Variants in DGKH observed in about 807,000 individuals in gnomAD.
DGKH encodes diacylglycerol kinase eta, also known as DAG kinase eta.
A neutral mutation model predicts 159.3 loss-of-function variants in DGKH; 90 were observed. The observed-to-expected ratio is 0.57, with a 90% CI of 0.48 to 0.67. The LOEUF (loss-of-function observed/expected upper bound fraction) is 0.67, where lower values mean the gene tolerates loss of function less well. DGKH is among the 30% of genes least tolerant of loss of function. The pLI, the probability that DGKH is intolerant of heterozygous loss-of-function variation, is 0.00. For missense variants in DGKH, 1,181 were observed against 1,506.1 expected, an observed-to-expected ratio of 0.78 and a Z score of 3.57; for synonymous variants, 536 against 553.8, an observed-to-expected ratio of 0.97 and a Z score of 0.45.
intron 18 of DGKH, 152 bp from the exon 19 acceptor site, chr13:42,199,414 A>G (rs1957293358): frequency 4.0e-6 from 2 of 499,938 alleles, no homozygotes; most frequent in Non-Finnish European, 7.1e-6. Context: ...GGTTGTACAC[A>G]TGGCATAGGA....
At chr13:42,171,294 G>T (rs1956448641) in intron 11 of DGKH, among the ~76,000 whole-genome samples, 1 of 152,200 alleles carries the variant, frequency 6.6e-6, no homozygotes. Flanking sequence ...AACGGGCATG[G>T]TAAACTGCAA....
At chr13:42,205,299 T>G (rs931016750) in intron 20 of DGKH, among the ~76,000 whole-genome samples, 1 of 152,202 alleles carries the variant, frequency 6.6e-6, no homozygotes, top group Non-Finnish European at 1.5e-5. Context: ...TCATAACTAA[T>G]TGTTTCCTTA....
intron 16 of DGKH, among the ~76,000 whole-genome samples, chr13:42,191,592 G>C (rs1373543925): frequency 1.3e-5 from 2 of 152,100 alleles, no homozygotes; most frequent in African/African-American, 4.8e-5. Context: ...TTTTCTGCTT[G>C]AGCTGTGGCA....
chr13:42,200,404 G>A lies in DGKH; in HGVS notation c.2493+495G>A, dbSNP rs186610042. ...TTACTGTTTTTTACTAATTTAAATA[G>A]GAAATTAAGGACAGAAAAAGTTATT... On this transcript the variant is annotated intron_variant, in intron 20 of 29. Coordinates refer to ENST00000337343, the MANE Select transcript of DGKH (RefSeq NM_178009.5). 2.8e-3 allele frequency among the ~76,000 whole-genome samples: 424 copies of A among 152,188 alleles called. 1 individual carries two copies. The highest frequency in any genetic ancestry group is 4.6e-3 in the Non-Finnish European group (313 of 68,000).
At chr13:42,081,431 T>A (rs1218531074) in intron 1 of DGKH, among the ~76,000 whole-genome samples, 2 of 152,196 alleles carry the variant, frequency 1.3e-5, no homozygotes, top group Non-Finnish European at 2.9e-5. Context: ...GGTTTCACCA[T>A]GTAGGCCAGG....
intron 5 of DGKH, among the ~76,000 whole-genome samples, chr13:42,156,314 C>A (rs1956043292): frequency 1.3e-5 from 2 of 152,148 alleles, no homozygotes; most frequent in Non-Finnish European, 1.5e-5. Flanking sequence ...ATGATCAAGT[C>A]TCCCTGCAGC....
At chr13:42,178,897 G>A (rs577831959) in intron 13 of DGKH, among the ~76,000 whole-genome samples, 4 of 152,284 alleles carry the variant, frequency 2.6e-5, no homozygotes, top group South Asian at 2.1e-4. Context: ...TAGCAAGCAC[G>A]GGTTACTGTT....
At chr13:42,214,733 A>G (rs1479769079) in intron 25 of DGKH, 121 bp downstream of exon 25, 1 of 727,948 alleles carries the variant, frequency 1.4e-6, no homozygotes, top group Non-Finnish European at 2.0e-6. Flanking sequence ...ATGAGTCTCT[A>G]CAAACCTGCA....
intron 1 of DGKH, among the ~76,000 whole-genome samples, chr13:42,120,728 G>A (rs2137824372): frequency 6.6e-6 from 1 of 152,268 alleles, no homozygotes; most frequent in East Asian, 1.9e-4. Context: ...CCAATTTACT[G>A]TTATATGGAG....
At chr13:42,160,574 ATTAT>A (rs1286791403) in intron 7 of DGKH, among the ~76,000 whole-genome samples, 1 of 152,214 alleles carries the variant, frequency 6.6e-6, no homozygotes, top group Non-Finnish European at 1.5e-5. Context: ...CCAACAGCTG[ATTAT>A]TTATGCCAGA....
At chr13:42,197,716 A>T (rs1957235823) in intron 17 of DGKH, among the ~76,000 whole-genome samples, 1 of 152,184 alleles carries the variant, frequency 6.6e-6, no homozygotes, top group South Asian at 2.1e-4. Context: ...TCTCTAAAAA[A>T]AAATAAAATA....
At chr13:42,172,112 G>T (rs1956474264) in intron 11 of DGKH, among the ~76,000 whole-genome samples, 1 of 147,550 alleles carries the variant, frequency 6.8e-6, no homozygotes, top group South Asian at 2.2e-4. Flanking sequence ...ATAGGCATGA[G>T]CCACCACACC....
At chr13:42,145,779 C>T (rs908337098) in intron 3 of DGKH, among the ~76,000 whole-genome samples, 1 of 152,164 alleles carries the variant, frequency 6.6e-6, no homozygotes, top group South Asian at 2.1e-4. Context: ...TTGTAATAAT[C>T]TAGCATAACA....
At chr13:42,213,539 C>T (rs963647273) in intron 24 of DGKH, among the ~76,000 whole-genome samples, 1 of 152,110 alleles carries the variant, frequency 6.6e-6, no homozygotes, top group Non-Finnish European at 1.5e-5. Flanking sequence ...AAAAATAGCC[C>T]ATTCTTCATG....
chr13:42,209,204 T>A, intron 22 of DGKH, 127 bp from the exon 23 acceptor site: 2 of 1,392,650 alleles, frequency 1.4e-6, no homozygotes, highest in Non-Finnish European at 2.0e-6. Context: ...GTTTTTACCA[T>A]GTCATTTATA....
At chr13:42,053,012 C>T (rs1881434583) in intron 1 of DGKH, among the ~76,000 whole-genome samples, 1 of 152,068 alleles carries the variant, frequency 6.6e-6, no homozygotes, top group Admixed American at 6.6e-5. Context: ...CATACCTAAA[C>T]ACTAAAAAGA....
At chr13:42,156,496 C>A (rs1284075062) in intron 5 of DGKH, among the ~76,000 whole-genome samples, 1 of 152,084 alleles carries the variant, frequency 6.6e-6, no homozygotes, top group African/African-American at 2.4e-5. Flanking sequence ...CCACATTGGC[C>A]TCCCAAAGAG....
chr13:42,050,915 A>C (rs1881237456), intron 1 of DGKH, among the ~76,000 whole-genome samples: 1 of 152,250 alleles, frequency 6.6e-6, no homozygotes, highest in Non-Finnish European at 1.5e-5. Context: ...TGAAATGGTC[A>C]AAATTCCATG....
intron 1 of DGKH, among the ~76,000 whole-genome samples, chr13:42,122,542 A>T (rs1173997981): frequency 6.6e-6 from 1 of 152,152 alleles, no homozygotes; most frequent in Non-Finnish European, 1.5e-5. Flanking sequence ...TTAACCATTA[A>T]TCTATGTATG....
Sources: allele counts gnomAD v4.1 joint callset (sites outside exome capture counted in the v4.1 genomes callset), GRCh38; gene constraint gnomAD v4.1.1; transcripts MANE v1.5; gene names NCBI Gene and HGNC (gene_info 2026-07-23, HGNC 2026-07-21).